Variants in FBN1 observed in about 807,000 individuals in gnomAD.
FBN1 encodes the protein fibrillin-1.
A neutral mutation model predicts 365.1 loss-of-function variants in FBN1; 29 were observed. The observed-to-expected ratio is 0.08, with a 90% CI of 0.06 to 0.11. The LOEUF is 0.11. Ranked by LOEUF, FBN1 falls within the 10% of genes least tolerant of loss-of-function variation. FBN1 has a pLI of 1.00. For missense variants in FBN1, 2,476 were observed against 3,703.2 expected (o/e 0.67, Z 8.60); for synonymous variants, 1,210 against 1,270.5 (o/e 0.95, Z 1.01).
intron 6 of FBN1, among the ~76,000 whole-genome samples, chr15:48,569,293 G>A (rs2044286728): frequency 6.6e-6 from 1 of 152,014 alleles, no homozygotes; most frequent in Admixed American, 6.6e-5. Flanking sequence ...CCACTAGAAT[G>A]GTTATAATGA....
intron 6 of FBN1, among the ~76,000 whole-genome samples, chr15:48,550,169 T>A (rs1368848591): frequency 6.6e-6 from 1 of 152,196 alleles, no homozygotes. Flanking sequence ...ATTCAAGTGG[T>A]CAAATCATGA....
At chr15:48,534,507 A>G (rs570383730) in intron 7 of FBN1, among the ~76,000 whole-genome samples, 83 of 152,372 alleles carry the variant, frequency 5.4e-4, no homozygotes, top group Middle Eastern at 3.4e-3. Flanking sequence ...CATATGCAGC[A>G]AAGTATAAAG....
chr15:48,634,857 C>CCACACACACA (rs57811526), intron 2 of FBN1, among the ~76,000 whole-genome samples: 24 of 69,174 alleles, frequency 3.5e-4, no homozygotes, highest in Non-Finnish European at 3.3e-4. Flanking sequence ...AAAAAAAAAA[C>CCACACACACA]CACACACACA....
chr15:48,508,783 C>A (rs2043734294), intron 14 of FBN1, 79 bp from the exon 15 acceptor site: 1 of 1,542,376 alleles, frequency 6.5e-7, no homozygotes, highest in East Asian at 2.3e-5. Flanking sequence ...GAAAATAATT[C>A]TGTTTCTTCG....
chr15:48,514,073 G>C (rs1006100806), intron 12 of FBN1, among the ~76,000 whole-genome samples: 5 of 152,110 alleles, frequency 3.3e-5, no homozygotes, highest in Non-Finnish European at 5.9e-5. Context: ...AGCATTCCCT[G>C]CTGAGTTCCA....
chr15:48,520,195 T>C (rs1000981770), intron 10 of FBN1, among the ~76,000 whole-genome samples: 2 of 144,998 alleles, frequency 1.4e-5, no homozygotes, highest in Non-Finnish European at 3.0e-5. Context: ...ACGCTTCTAA[T>C]AGAAACAAAA....
intron 5 of FBN1, among the ~76,000 whole-genome samples, chr15:48,598,019 G>A (rs180745242): frequency 1.4e-3 from 212 of 152,266 alleles, no homozygotes; most frequent in African/African-American, 4.9e-3. Context: ...GCCCCATCTC[G>A]CCATCTCCAC....
intron 32 of FBN1, among the ~76,000 whole-genome samples, chr15:48,477,377 G>C (rs184084016): frequency 1.5e-4 from 23 of 152,246 alleles, no homozygotes; most frequent in African/African-American, 5.3e-4. Flanking sequence ...AGTAACTCAG[G>C]AGCCAATATT....
At position 48,516,242 on chromosome 15, in the gene FBN1, G is replaced by A; in HGVS notation, c.1268C>T (p.Pro423Leu). ...TGGTGGTCGAGGGACCGGAATTTGA[G>A]GTCCAGGAGGAAAGCCAGGAGGAAC... is the stretch of plus-strand genomic sequence containing the variant. ...LPVPPGFPPG[P>L]QIPVPRPPVE... is the part of the protein sequence containing the mutation. The change falls in exon 11 of 66, where the codon CCT (proline) becomes CTT (leucine). Residue 423 changes from proline to leucine, a missense_variant. Pro to Leu is a moderately conservative substitution (Grantham distance 98). Coordinates refer to ENST00000316623, the MANE Select transcript of FBN1 (RefSeq NM_000138.5). 2 of 1,613,906 alleles carry A rather than the reference G, an allele frequency of 1.2e-6. No homozygotes were observed. Among genetic ancestry groups the A allele is most frequent in the Non-Finnish European group, 1.7e-6 (2 of 1,179,934 alleles).
intron 6 of FBN1, among the ~76,000 whole-genome samples, chr15:48,579,793 C>T (rs1400462837): frequency 6.6e-6 from 1 of 152,178 alleles, no homozygotes; most frequent in East Asian, 1.9e-4. Context: ...TTTAATCAAA[C>T]TCATGCACAC....
chr15:48,511,855 G>A (rs2043762979), intron 13 of FBN1, among the ~76,000 whole-genome samples: 1 of 152,158 alleles, frequency 6.6e-6, no homozygotes, highest in African/African-American at 2.4e-5. Context: ...CCTTGCCCCA[G>A]CTGAGTGCTC....
In FBN1 at chr15:48,594,397, T is replaced by C. The variant is rs577617069; in HGVS notation, c.538+1886A>G. On this transcript the variant is annotated intron_variant, in intron 6 of 65. Coordinates refer to ENST00000316623, the MANE Select transcript of FBN1 (RefSeq NM_000138.5). ...GAAAATCTGCCACTTGGGGATGAATTTGATTTTGAAAATCACCACTGGGAA... is the reference window on the plus strand; with the variant it reads ...GAAAATCTGCCACTTGGGGATGAATCTGATTTTGAAAATCACCACTGGGAA... Among the ~76,000 whole-genome samples, 7 of 152,280 alleles carry C rather than the reference T, an allele frequency of 4.6e-5. 1 individual carries two copies. The Middle Eastern group carries it at 0.01, about 222-fold the overall frequency.
intron 65 of FBN1, among the ~76,000 whole-genome samples, chr15:48,412,232 GA>G (rs2042869338): frequency 6.6e-6 from 1 of 152,204 alleles, no homozygotes; most frequent in African/African-American, 2.4e-5. Context: ...CCTATGTAGG[GA>G]GCACTATGTC....
At chr15:48,474,775 C>A in intron 32 of FBN1, 125 bp from the exon 33 acceptor site, 1 of 1,161,748 alleles carries the variant, frequency 8.6e-7, no homozygotes, top group South Asian at 1.3e-5. Flanking sequence ...ACTGGTTTTG[C>A]ATCCATATAT....
At chr15:48,440,739 T>C (rs1597528810) in intron 50 of FBN1, among the ~76,000 whole-genome samples, 1 of 152,144 alleles carries the variant, frequency 6.6e-6, no homozygotes, top group African/African-American at 2.4e-5. Flanking sequence ...GCAGATATTA[T>C]TGTTGTTTAA....
At chr15:48,422,370 G>A (rs2042950838) in intron 60 of FBN1, among the ~76,000 whole-genome samples, 1 of 152,166 alleles carries the variant, frequency 6.6e-6, no homozygotes, top group African/African-American at 2.4e-5. Context: ...AATAAATCAT[G>A]ACATTTTAAA....
At position 48,425,605 on chromosome 15, in the gene FBN1, G is replaced by T. The variant is rs560977542; in HGVS notation, c.7331-114C>A. ...TTCGGGGAAAGAAAAAGGAAACTCT[G>T]TGTAGACTTTGATGATTGTCCTGTG... On this transcript the variant is annotated intron_variant, in intron 59 of 65. Transcript: ENST00000316623. 6.5e-6 allele frequency: 10 copies of T among 1,543,416 alleles called. No homozygotes were observed. In the South Asian group the frequency reaches 9.0e-5, roughly 14 times the overall value.
At chr15:48,481,836 T>C in intron 31 of FBN1, 56 bp from the exon 32 acceptor site, 3 of 1,503,408 alleles carry the variant, frequency 2.0e-6, no homozygotes, top group Non-Finnish European at 2.8e-6. Flanking sequence ...TTGAGTACTT[T>C]CCCCTCGAGA....
rs983996365 is a variant in FBN1 at position 48,480,068 on chromosome 15, T to C, written c.3964+1587A>G. Among the ~76,000 whole-genome samples the C allele has an allele frequency of 1.1e-4, 17 of 152,190 alleles. 1 individual carries two copies. Among genetic ancestry groups the C allele is most frequent in the Admixed American group, 1.1e-3 (17 of 15,278 alleles). On this transcript the variant is annotated intron_variant, in intron 32 of 65. Transcript: ENST00000316623. ...AACTACATTAAATAACATGAAAATT[T>C]AAGCTTTCTTCAGGGTAAGGCCTAA...
Sources: allele counts gnomAD v4.1 joint callset (sites outside exome capture counted in the v4.1 genomes callset), GRCh38; gene constraint gnomAD v4.1.1; transcripts MANE v1.5; gene names NCBI Gene and HGNC (gene_info 2026-07-23, HGNC 2026-07-21).